PLCB4: variants seen among roughly 807,000 people sequenced by gnomAD.
PLCB4 encodes 1-phosphatidylinositol 4,5-bisphosphate phosphodiesterase beta-4.
Under a neutral mutation model 178.8 loss-of-function variants are expected in PLCB4, and 77 were observed. The ratio of observed to expected loss-of-function variants is 0.43; its 90% CI spans 0.36 to 0.52. The LOEUF is 0.52. Ranked by LOEUF, PLCB4 falls within the 20% of genes least tolerant of loss-of-function variation. PLCB4 has a pLI of 0.00. For synonymous variants in PLCB4, 496 were observed against 490.8 expected (o/e 1.01, Z -0.14); for missense variants, 1,024 against 1,453.4 (o/e 0.70, Z 4.80).
chr20:9,289,836 T>C (rs1450510191), intron 3 of PLCB4, among the ~76,000 whole-genome samples: 1 of 152,116 alleles, frequency 6.6e-6, no homozygotes, highest in African/African-American at 2.4e-5. Flanking sequence ...TTTCCAGTTG[T>C]GTTAAGATTT....
intron 3 of PLCB4, 114 bp from the exon 4 acceptor site, chr20:9,307,686 G>T (rs986122216): frequency 4.0e-6 from 2 of 495,706 alleles, no homozygotes; most frequent in Non-Finnish European, 7.1e-6. Context: ...AGAAAAAAAC[G>T]TATTCCACAT....
At chr20:9,153,617 C>T (rs1229473107) in intron 2 of PLCB4, among the ~76,000 whole-genome samples, 2 of 152,110 alleles carry the variant, frequency 1.3e-5, no homozygotes, top group African/African-American at 4.8e-5. Flanking sequence ...TTATCATCAG[C>T]ATGAAAACAA....
intron 7 of PLCB4, among the ~76,000 whole-genome samples, chr20:9,345,664 C>CCAA (rs2033724652): frequency 6.6e-6 from 1 of 152,120 alleles, no homozygotes; most frequent in Non-Finnish European, 1.5e-5. Context: ...TGAGTTTAGA[C>CCAA]CAGACTGCTC....
At chr20:9,451,998 A>C (rs983514559) in intron 32 of PLCB4, among the ~76,000 whole-genome samples, 2 of 152,080 alleles carry the variant, frequency 1.3e-5, no homozygotes, top group African/African-American at 4.8e-5. Flanking sequence ...TTCCAATTAC[A>C]AATTAAGCCC....
chr20:9,421,926 T>C (rs1439357896), intron 27 of PLCB4, among the ~76,000 whole-genome samples: 1 of 152,216 alleles, frequency 6.6e-6, no homozygotes, highest in Non-Finnish European at 1.5e-5. Context: ...TTGCAGGTCT[T>C]ATCCTTCTTG....
intron 35 of PLCB4, 65 bp from the exon 36 acceptor site, chr20:9,468,506 T>C (rs2043958438): frequency 2.1e-6 from 2 of 952,778 alleles, no homozygotes; most frequent in Non-Finnish European, 3.4e-6. Flanking sequence ...GGTGAATCTC[T>C]CTACCCATTA....
chr20:9,265,375 C>T (rs532917629), intron 3 of PLCB4, among the ~76,000 whole-genome samples: 2 of 152,000 alleles, frequency 1.3e-5, no homozygotes, highest in African/African-American at 2.4e-5. Context: ...CCCTGCTACT[C>T]GGGAGGCTGA....
intron 2 of PLCB4, among the ~76,000 whole-genome samples, chr20:9,106,788 A>G (rs1308019218): frequency 6.6e-6 from 1 of 152,108 alleles, no homozygotes; most frequent in Non-Finnish European, 1.5e-5. Flanking sequence ...AAGATTTTAA[A>G]TGTGCAAACC....
At chr20:9,421,710 T>A (rs1281413432) in intron 27 of PLCB4, among the ~76,000 whole-genome samples, 1 of 152,220 alleles carries the variant, frequency 6.6e-6, no homozygotes, top group Non-Finnish European at 1.5e-5. Flanking sequence ...GGGTTTACCA[T>A]CTTTTAGAAT....
intron 3 of PLCB4, among the ~76,000 whole-genome samples, chr20:9,252,893 G>A (rs531666568): frequency 5.9e-5 from 9 of 152,040 alleles, no homozygotes; most frequent in South Asian, 2.1e-4. Flanking sequence ...GGCTTCCCTC[G>A]TTTTTAGGCC....
chr20:9,352,288 T>G (rs1301476371), intron 7 of PLCB4, among the ~76,000 whole-genome samples: 1 of 152,228 alleles, frequency 6.6e-6, no homozygotes, highest in African/African-American at 2.4e-5. Context: ...GTAAGTATAC[T>G]CTATGTATAC....
intron 1 of PLCB4, among the ~76,000 whole-genome samples, chr20:9,073,311 T>A (rs2089663515): frequency 6.6e-6 from 1 of 152,208 alleles, no homozygotes; most frequent in African/African-American, 2.4e-5. Flanking sequence ...GACATCTCCC[T>A]TTCTTCTCTA....
intron 9 of PLCB4, among the ~76,000 whole-genome samples, chr20:9,366,917 C>T (rs954344787): frequency 6.6e-6 from 1 of 152,212 alleles, no homozygotes; most frequent in Non-Finnish European, 1.5e-5. Context: ...GGGTGGAATC[C>T]TGTCTTAGAA....
At chr20:9,383,478 T>A (rs189567515) in intron 13 of PLCB4, among the ~76,000 whole-genome samples, 9 of 152,332 alleles carry the variant, frequency 5.9e-5, no homozygotes, top group Non-Finnish European at 1.0e-4. Context: ...TGTCGATGCA[T>A]CAACCATTTA....
At chr20:9,330,064 G>T (rs1338405748) in intron 4 of PLCB4, among the ~76,000 whole-genome samples, 1 of 152,152 alleles carries the variant, frequency 6.6e-6, no homozygotes, top group Admixed American at 6.5e-5. Flanking sequence ...CAAAGGATCT[G>T]CTAGGTATGA....
At chr20:9,285,432 C>T (rs530153867) in intron 3 of PLCB4, among the ~76,000 whole-genome samples, 59 of 151,890 alleles carry the variant, frequency 3.9e-4, no homozygotes, top group Non-Finnish European at 8.0e-4. Context: ...TAAATAAAGC[C>T]TGACTTACTA....
chr20:9,153,110 G>T (rs1215763830), intron 2 of PLCB4, among the ~76,000 whole-genome samples: 1 of 152,156 alleles, frequency 6.6e-6, no homozygotes, highest in Non-Finnish European at 1.5e-5. Flanking sequence ...TAACTAGCTT[G>T]CTTTTGATTT....
chr20:9,130,970 AG>A (rs2092257456), intron 2 of PLCB4, among the ~76,000 whole-genome samples: 1 of 152,186 alleles, frequency 6.6e-6, no homozygotes, highest in African/African-American at 2.4e-5. Flanking sequence ...AGCCTCTCTA[AG>A]CCTCTTGCAT....
chr20:9,300,781 A>C (rs970773315), intron 3 of PLCB4, among the ~76,000 whole-genome samples: 1 of 152,154 alleles, frequency 6.6e-6, no homozygotes, highest in African/African-American at 2.4e-5. Flanking sequence ...ACTGCATTCC[A>C]AACTTATTTG....
Sources: gnomAD v4.1 joint callset for allele counts (sites outside exome capture counted in the v4.1 genomes callset) on GRCh38, gnomAD v4.1.1 for gene constraint, MANE v1.5 for transcripts, NCBI Gene and HGNC (gene_info 2026-07-23, HGNC 2026-07-21) for gene names.